SANBR: variants seen among roughly 807,000 people sequenced by gnomAD.
SANBR encodes the protein SANT and BTB domain regulator of class switch recombination.
In SANBR, 77 loss-of-function variants were observed where a neutral mutation model predicts 101.8. The ratio of observed to expected loss-of-function variants is 0.76; its 90% CI spans 0.63 to 0.91. SANBR has a LOEUF of 0.91. Ranked by LOEUF, SANBR falls within the 40% of genes least tolerant of loss-of-function variation. The pLI is 0.00. For synonymous variants in SANBR, 279 were observed against 274.7 expected, an observed-to-expected ratio of 1.02 and a Z score of -0.15; for missense variants, 875 against 853.0, an observed-to-expected ratio of 1.03 and a Z score of -0.32.
chr2:61,111,113 G>C (rs1480428848), intron 16 of SANBR, among the ~76,000 whole-genome samples: 1 of 152,042 alleles, frequency 6.6e-6, no homozygotes, highest in Non-Finnish European at 1.5e-5. Context: ...ACATGCTGCA[G>C]CCAGGCGCAG....
At chr2:61,073,650 A>G (rs549526710) in intron 5 of SANBR, 99 bp downstream of exon 5, 270 of 611,828 alleles carry the variant, frequency 4.4e-4, no homozygotes, top group Non-Finnish European at 6.9e-4. Flanking sequence ...TTCATATTGC[A>G]TAATTGCTGA....
At chr2:61,116,759 A>G (rs1684095643) in intron 17 of SANBR, among the ~76,000 whole-genome samples, 1 of 152,104 alleles carries the variant, frequency 6.6e-6, no homozygotes, top group Admixed American at 6.6e-5. Context: ...CTAAAAAAAA[A>G]TTGTATCAGC....
rs748061066 is a variant in SANBR, at chr2:61,121,323, AT to A, written c.2120+57del. ...CAGAGTGTCAGTGGCTTTGAAGTGAATTTTTTTTTTAAGATAAATCATATGA... is the reference window on the plus strand; with the variant it reads ...CAGAGTGTCAGTGGCTTTGAAGTGAATTTTTTTTTAAGATAAATCATATGA... On this transcript the variant is annotated intron_variant, in intron 21 of 21. Transcript: ENST00000402291. The A allele has an allele frequency of 3.1e-3, 3,907 of 1,253,484 alleles. 1 individual carries two copies. The highest frequency in any genetic ancestry group is 3.3e-3 in the Non-Finnish European group (3,012 of 901,584). The allele number at this position is 1,253,484 out of a possible 1,614,324, so 77.6% of individuals were successfully genotyped here. A position where few individuals can be genotyped will look rare whatever the true frequency, so the allele number is the denominator to read the frequency against.
chr2:61,132,536 G>A (rs974295536), intron 20 of SANBR, among the ~76,000 whole-genome samples: 1 of 152,216 alleles, frequency 6.6e-6, no homozygotes, highest in African/African-American at 2.4e-5. Context: ...TGCCAAGGAT[G>A]TGGAGAAATT....
At chr2:61,125,400 A>G (rs1025771346), downstream of SANBR, among the ~76,000 whole-genome samples, 2 of 152,228 alleles carry the variant, frequency 1.3e-5, no homozygotes, top group Non-Finnish European at 2.9e-5. Flanking sequence ...CGTGGTTTCT[A>G]TGGCATCATT....
At chr2:61,103,467 GACTAA>G (rs1002773849) in intron 12 of SANBR, among the ~76,000 whole-genome samples, 1 of 152,126 alleles carries the variant, frequency 6.6e-6, no homozygotes, top group African/African-American at 2.4e-5. Context: ...AAACAAGTGA[GACTAA>G]ACTATAGTGT....
intron 12 of SANBR, among the ~76,000 whole-genome samples, chr2:61,099,212 G>T (rs1283549271): frequency 1.3e-5 from 2 of 152,170 alleles, no homozygotes; most frequent in Non-Finnish European, 2.9e-5. Context: ...CCATGTTCAA[G>T]TTTTTCTTTT....
In SANBR at chr2:61,077,045, GC is replaced by G; in HGVS notation, c.558del (p.Trp187GlyfsTer18). 6.2e-7 allele frequency: 1 copy of G among 1,613,902 alleles called. No individual in the cohort carries two copies. Among genetic ancestry groups the G allele is most frequent in the Non-Finnish European group, 8.5e-7 (1 of 1,179,798 alleles). On this transcript the variant is annotated frameshift_variant, in exon 6 of 22. Coordinates refer to ENST00000402291, the MANE Select transcript of SANBR (RefSeq NM_001129993.3). LOFTEE classifies it high-confidence loss of function. ...GAATATTTATCTATGGATGCCCAGC[GC>G]TGGGAAGAGGTGGACATTTCAGTTC... ...FAEYLSMDAQ[R>X]WEEVDISVHC...
intron 15 of SANBR, among the ~76,000 whole-genome samples, chr2:61,108,717 T>C (rs549072667): frequency 6.6e-6 from 1 of 151,994 alleles, no homozygotes; most frequent in African/African-American, 2.4e-5. Flanking sequence ...GCCATCAATA[T>C]TCACAAGAAT....
intron 10 of SANBR, among the ~76,000 whole-genome samples, chr2:61,090,909 CTTTTTTT>C (rs747161495): frequency 5.7e-5 from 8 of 139,258 alleles, no homozygotes; most frequent in Non-Finnish European, 1.1e-4. Context: ...TTTAAAATTC[CTTTTTTT>C]TTTTTTTTTT....
chr2:61,080,609 T>C (rs1682065516), intron 6 of SANBR, among the ~76,000 whole-genome samples: 1 of 152,000 alleles, frequency 6.6e-6, no homozygotes, highest in Non-Finnish European at 1.5e-5. Context: ...TAGTCCCAGC[T>C]ACTCAGGAGG....
chr2:61,066,629 A>ACCTG (rs1230472180), intron 1 of SANBR, among the ~76,000 whole-genome samples: 4 of 152,096 alleles, frequency 2.6e-5, no homozygotes, highest in African/African-American at 4.8e-5. Flanking sequence ...GAGGCCTTTG[A>ACCTG]CCTGCCTGCC....
At chr2:61,134,364 C>T in intron 21 of SANBR, 1 of 1,344,970 alleles carries the variant, frequency 7.4e-7, no homozygotes, top group Non-Finnish European at 1.0e-6. Context: ...CCATTTTTGG[C>T]TTGGCTCACG....
At position 61,077,029 on chromosome 2, in the gene SANBR, T is replaced by C. The variant is rs774236309; in HGVS notation, c.541T>C (p.Ser181Pro). The C allele has an allele frequency of 1.9e-6, 3 of 1,613,966 alleles. No individual in the cohort carries two copies. Among genetic ancestry groups the C allele is most frequent in the African/African-American group, 1.3e-5 (1 of 74,934 alleles). ...SEMKYFAEYL[S>P]MDAQRWEEVD... ...AATGAAGTACTTTGCTGAATATTTA[T>C]CTATGGATGCCCAGCGCTGGGAAGA... is the stretch of plus-strand genomic sequence containing the variant. The change falls in exon 6 of 22, where the codon TCT becomes CCT. Residue 181 changes from serine (S) to proline (P), a missense_variant. By Grantham distance (74) the Ser-to-Pro change is moderately conservative (BLOSUM62 -1). Coordinates refer to ENST00000402291, the MANE Select transcript of SANBR (RefSeq NM_001129993.3).
intron 11 of SANBR, among the ~76,000 whole-genome samples, chr2:61,094,841 C>T (rs1682953484): frequency 6.6e-6 from 1 of 152,050 alleles, no homozygotes; most frequent in Non-Finnish European, 1.5e-5. Flanking sequence ...AATGGGGTTT[C>T]ACCAGGTTAG....
intron 20 of SANBR, among the ~76,000 whole-genome samples, chr2:61,131,611 A>T (rs1684691409): frequency 1.3e-5 from 2 of 152,232 alleles, no homozygotes; most frequent in Non-Finnish European, 2.9e-5. Flanking sequence ...GTATTCCTCA[A>T]CTTAATCTAC....
At chr2:61,109,046 T>C (rs1411165265) in intron 15 of SANBR, 151 bp from the exon 16 acceptor site, 1 of 407,386 alleles carries the variant, frequency 2.5e-6, no homozygotes, top group Non-Finnish European at 4.4e-6. Flanking sequence ...AAAATTCTTA[T>C]GTCTATTTCC....
chr2:61,078,404 A>G (rs765825139), intron 6 of SANBR, among the ~76,000 whole-genome samples: 1 of 152,096 alleles, frequency 6.6e-6, no homozygotes, highest in Non-Finnish European at 1.5e-5. Flanking sequence ...TTTGCAAAAA[A>G]TATCAAACAG....
intron 12 of SANBR, among the ~76,000 whole-genome samples, chr2:61,101,938 A>G (rs763698647): frequency 1.9e-4 from 29 of 149,278 alleles, no homozygotes; most frequent in Non-Finnish European, 7.4e-5. Context: ...CTCGGGAGGC[A>G]GGAGAATCGC....
Sources: gnomAD v4.1 joint callset for allele counts (sites outside exome capture counted in the v4.1 genomes callset) on GRCh38, gnomAD v4.1.1 for gene constraint, MANE v1.5 for transcripts, NCBI Gene and HGNC (gene_info 2026-07-23, HGNC 2026-07-21) for gene names.